Variants in ZNF138 observed in about 807,000 individuals in gnomAD.
ZNF138 encodes the protein zinc finger protein 138, also known as zinc finger protein 138 (clone pHZ-32).
In ZNF138, 33 loss-of-function variants were observed where a neutral mutation model predicts 33.0. The ratio of observed to expected loss-of-function variants is 1.00; its 90% confidence interval spans 0.76 to 1.34. The LOEUF (loss-of-function observed/expected upper bound fraction) is 1.34. Among genes scored for constraint, ZNF138 ranks in the 40% most tolerant of loss-of-function variants. ZNF138 has a pLI of 0.00. For synonymous variants in ZNF138, 139 were observed against 120.4 expected, an observed-to-expected ratio of 1.15 and a Z score of -1.01; for missense variants, 360 against 370.8, an observed-to-expected ratio of 0.97 and a Z score of 0.24.
chr7:64,837,699 C>T (rs979313352), downstream of ZNF138, among the ~76,000 whole-genome samples: 2 of 152,086 alleles, frequency 1.3e-5, no homozygotes, highest in African/African-American at 2.4e-5. Flanking sequence ...GTGTAACTTC[C>T]AGTTAACGTC....
At chr7:64,807,757 C>G (rs1010885980) in intron 1 of ZNF138, among the ~76,000 whole-genome samples, 3 of 152,128 alleles carry the variant, frequency 2.0e-5, no homozygotes, top group African/African-American at 7.2e-5. Context: ...GCTCTTTGAG[C>G]TTTTCAGATC....
rs956685849 is a variant in ZNF138 at position 64,822,208 on chromosome 7, C to T, written c.208+6555C>T. Among the ~76,000 whole-genome samples, 12 of 151,440 alleles carry T rather than the reference C, an allele frequency of 7.9e-5. 1 individual carries two copies. Among genetic ancestry groups the T allele is most frequent in the African/African-American group, 2.9e-4 (12 of 40,838 alleles). On this transcript the variant is annotated intron_variant, in intron 3 of 3. Coordinates refer to ENST00000307355, the MANE Select transcript of ZNF138 (RefSeq NM_001271639.2). ...TGCTGGGATTACAGGCGTGAGCCAC[C>T]GTGCCTGGCCAATTTGCAAATATTT...
chr7:64,850,959 T>A, the ZNF138 span, among the ~76,000 whole-genome samples: 63,942 of 151,642 alleles, frequency 0.42, 13,967 homozygotes, highest in Middle Eastern at 0.5. Context: ...CTTTTAAAAA[T>A]ATATATATTA....
chr7:64,821,898 T>G (rs1341903224), intron 3 of ZNF138, among the ~76,000 whole-genome samples: 1 of 146,642 alleles, frequency 6.8e-6, no homozygotes, highest in Non-Finnish European at 1.5e-5. Flanking sequence ...CTATCACATG[T>G]GATTTGCAAA....
the ZNF138 span, among the ~76,000 whole-genome samples, chr7:64,839,551 C>T: frequency 2.0e-5 from 3 of 152,106 alleles, no homozygotes; most frequent in African/African-American, 4.8e-5. Context: ...GAAGGAAACT[C>T]TCCCTGGGTG....
intron 3 of ZNF138, among the ~76,000 whole-genome samples, chr7:64,827,455 AG>A: frequency 6.6e-6 from 1 of 151,584 alleles, no homozygotes; most frequent in Middle Eastern, 3.4e-3. Context: ...CGTGTTAGCC[AG>A]GATGGTCTCG....
chr7:64,847,333 T>TATATATATATATATATATATATATATA, the ZNF138 span, among the ~76,000 whole-genome samples: 1 of 90,934 alleles, frequency 1.1e-5, no homozygotes, highest in African/African-American at 4.6e-5. Flanking sequence ...TATATATATA[T>TATATATATATATATATATATATATATA]TTTTTTTTTT....
chr7:64,797,386 T>TAA (rs1786773989), intron 1 of ZNF138, among the ~76,000 whole-genome samples: 3 of 152,214 alleles, frequency 2.0e-5, no homozygotes, highest in African/African-American at 4.8e-5. Flanking sequence ...CCTTCCCTTA[T>TAA]ATAAACACTG....
intron 1 of ZNF138, among the ~76,000 whole-genome samples, chr7:64,807,453 A>T (rs1490086774): frequency 6.6e-6 from 1 of 152,194 alleles, no homozygotes; most frequent in Non-Finnish European, 1.5e-5. Context: ...CTGTCTACTT[A>T]TATTCATGTT....
At chr7:64,853,181 G>C in the ZNF138 span, 7 of 1,586,658 alleles carry the variant, frequency 4.4e-6, no homozygotes, top group South Asian at 6.6e-5. Flanking sequence ...TTGGCATAAA[G>C]GCTCCCAGAA....
In ZNF138 at chr7:64,794,497, CCTCTGTGGCG is replaced by C; in HGVS notation, c.-69_-60del. On this transcript the variant is annotated 5_prime_UTR_variant, in exon 1 of 4. Coordinates refer to ENST00000307355, the MANE Select transcript of ZNF138 (RefSeq NM_001271639.2). ...CGTCCTCTTACTCCTAGAGGCCCAG[CCTCTGTGGCG>C]CTGTGATCTGGTTATTGGGAGATTC... 6.2e-7 allele frequency: 1 copy of C among 1,606,972 alleles called. No homozygotes were observed. Among genetic ancestry groups the C allele is most frequent in the Non-Finnish European group, 8.5e-7 (1 of 1,175,090 alleles).
At chr7:64,801,194 C>T (rs2128986072) in intron 1 of ZNF138, among the ~76,000 whole-genome samples, 1 of 151,836 alleles carries the variant, frequency 6.6e-6, no homozygotes, top group South Asian at 2.1e-4. Context: ...TATTTTTTGC[C>T]TTCTGCTAGC....
intron 1 of ZNF138, among the ~76,000 whole-genome samples, chr7:64,806,971 G>A (rs1353112508): frequency 6.6e-6 from 1 of 152,180 alleles, no homozygotes; most frequent in Non-Finnish European, 1.5e-5. Flanking sequence ...CACACTGGAA[G>A]GTTGTGGGTT....
intron 3 of ZNF138, among the ~76,000 whole-genome samples, chr7:64,821,043 T>TTTG (rs1554367719): frequency 7.2e-5 from 4 of 55,424 alleles, no homozygotes; most frequent in Non-Finnish European, 1.4e-4. Flanking sequence ...TTGTTTTTTT[T>TTTG]TGTTTTGTTT....
Position 64,831,434 on chromosome 7 carries a change from T to C in ZNF138, c.209-17T>C, listed in dbSNP as rs376241292. 2 of 1,518,704 alleles carry C rather than the reference T, an allele frequency of 1.3e-6. No individual in the cohort carries two copies. Among genetic ancestry groups the C allele is most frequent in the Non-Finnish European group, 1.8e-6 (2 of 1,137,268 alleles). 94.1% of individuals were successfully genotyped at this position (1,518,704 alleles called of 1,614,324 possible). A position where few individuals can be genotyped will look rare whatever the true frequency, so the allele number is the denominator to read the frequency against. ...GTCTAGCAGGTGGAGTAATTTGTTATTTTTTGTTTCTTTCAGCTCTGTGTT... is the reference window on the plus strand; with the variant it reads ...GTCTAGCAGGTGGAGTAATTTGTTACTTTTTGTTTCTTTCAGCTCTGTGTT... On this transcript the variant is annotated splice_polypyrimidine_tract_variant and intron_variant, in intron 3 of 3. Coordinates refer to ENST00000307355, the MANE Select transcript of ZNF138 (RefSeq NM_001271639.2).
chr7:64,796,002 C>A (rs1271222981), intron 1 of ZNF138, among the ~76,000 whole-genome samples: 3 of 152,194 alleles, frequency 2.0e-5, no homozygotes, highest in African/African-American at 7.2e-5. Flanking sequence ...GAGGAATCTC[C>A]TGGTGTACTC....
chr7:64,809,039 C>T (rs1311291732), intron 1 of ZNF138, among the ~76,000 whole-genome samples: 21 of 126,632 alleles, frequency 1.7e-4, no homozygotes, highest in Non-Finnish European at 2.9e-4. Context: ...CCACCTTTCC[C>T]GCCTTTCTAT....
intron 1 of ZNF138, among the ~76,000 whole-genome samples, chr7:64,799,079 TAAG>T (rs2128984291): frequency 6.6e-6 from 1 of 152,314 alleles, no homozygotes; most frequent in African/African-American, 2.4e-5. Context: ...TTAGTTCTGT[TAAG>T]AATGTTTTTG....
the ZNF138 span, among the ~76,000 whole-genome samples, chr7:64,859,471 A>G: frequency 1.3e-5 from 2 of 152,218 alleles, no homozygotes; most frequent in South Asian, 4.1e-4. Flanking sequence ...ATTTCTCTTA[A>G]AGTTGGCTTA....
Sources: gnomAD v4.1 joint callset for allele counts (sites outside exome capture counted in the v4.1 genomes callset) on GRCh38, gnomAD v4.1.1 for gene constraint, MANE v1.5 for transcripts, NCBI Gene and HGNC (gene_info 2026-07-23, HGNC 2026-07-21) for gene names.